Variants in NAALADL2 observed in about 807,000 individuals in gnomAD.
NAALADL2 encodes inactive N-acetylated-alpha-linked acidic dipeptidase-like protein 2.
In NAALADL2, 76 loss-of-function variants were observed where a neutral mutation model predicts 87.2. That is an observed-to-expected ratio of 0.87 (90% confidence interval 0.72 to 1.05). The LOEUF (loss-of-function observed/expected upper bound fraction) is 1.05. Ranked by LOEUF, NAALADL2 falls within the 50% of genes least tolerant of loss-of-function variation. The pLI is 0.00. For missense variants in NAALADL2, 1,089 were observed against 945.8 expected (o/e 1.15, Z -1.99); for synonymous variants, 354 against 331.0 (o/e 1.07, Z -0.75).
intron 5 of NAALADL2, among the ~76,000 whole-genome samples, chr3:175,406,047 T>C (rs142772541): frequency 1.2e-3 from 186 of 152,300 alleles, no homozygotes; most frequent in African/African-American, 3.9e-3. Context: ...CTTACCCTCA[T>C]GGAGTTTATA....
intron 4 of NAALADL2, among the ~76,000 whole-genome samples, chr3:175,278,667 T>C (rs1279173617): frequency 6.6e-6 from 1 of 152,192 alleles, no homozygotes; most frequent in East Asian, 1.9e-4. Flanking sequence ...TTATGTGATA[T>C]GATTTAAATG....
chr3:175,199,014 T>C (rs953701916), intron 2 of NAALADL2, among the ~76,000 whole-genome samples: 1 of 152,100 alleles, frequency 6.6e-6, no homozygotes. Flanking sequence ...AGACTTAAAT[T>C]TTAAGGACAG....
At chr3:174,867,499 C>T (rs963639223) in intron 1 of NAALADL2, among the ~76,000 whole-genome samples, 2 of 151,946 alleles carry the variant, frequency 1.3e-5, no homozygotes, top group Non-Finnish European at 2.9e-5. Context: ...ATAAAATGTT[C>T]TCTTCCTGAG....
chr3:174,685,001 G>A (rs1017001503), intron 2 of NAALADL2, among the ~76,000 whole-genome samples: 1 of 151,946 alleles, frequency 6.6e-6, no homozygotes, highest in African/African-American at 2.4e-5. Flanking sequence ...TAGATATTGG[G>A]AATGACTTGG....
intron 6 of NAALADL2, among the ~76,000 whole-genome samples, chr3:175,456,228 C>A (rs1047252453): frequency 1.3e-5 from 2 of 151,984 alleles, no homozygotes; most frequent in African/African-American, 4.8e-5. Context: ...AAATTGGCAG[C>A]AGTTATTTTT....
chr3:175,258,985 C>T (rs1192787446), intron 4 of NAALADL2, among the ~76,000 whole-genome samples: 8 of 152,262 alleles, frequency 5.3e-5, no homozygotes, highest in Admixed American at 3.3e-4. Flanking sequence ...ACTGAAATTG[C>T]CACTTGTAAT....
At chr3:174,500,789 C>T (rs1305881772) in intron 1 of NAALADL2, among the ~76,000 whole-genome samples, 2 of 151,606 alleles carry the variant, frequency 1.3e-5, no homozygotes, top group Non-Finnish European at 2.9e-5. Flanking sequence ...AAATGTTAAG[C>T]TAGCCTTGCG....
chr3:174,590,332 A>G (rs1578244793), intron 2 of NAALADL2, among the ~76,000 whole-genome samples: 1 of 152,280 alleles, frequency 6.6e-6, no homozygotes, highest in East Asian at 1.9e-4. Flanking sequence ...TTATCCTGGT[A>G]TTTAAAATAA....
At chr3:174,885,776 G>A (rs1730017827) in intron 1 of NAALADL2, among the ~76,000 whole-genome samples, 2 of 147,822 alleles carry the variant, frequency 1.4e-5, no homozygotes, top group South Asian at 4.5e-4. Flanking sequence ...ATATAATATA[G>A]TCTAGCAGTA....
intron 3 of NAALADL2, among the ~76,000 whole-genome samples, chr3:174,799,929 G>C (rs1018886854): frequency 1.3e-5 from 2 of 152,160 alleles, no homozygotes; most frequent in African/African-American, 4.8e-5. Context: ...TCAGCAAAGA[G>C]ACTAGTGGCA....
At chr3:174,922,160 A>C (rs2108360138) in intron 1 of NAALADL2, among the ~76,000 whole-genome samples, 1 of 152,112 alleles carries the variant, frequency 6.6e-6, no homozygotes, top group African/African-American at 2.4e-5. Context: ...AAAATAAAAA[A>C]TTAGTCTGGC....
rs147359994 is a variant in NAALADL2 at position 174,811,827 on chromosome 3, T to A, written c.-9+74081T>A. On this transcript the variant is annotated intron_variant, in intron 3 of 3. Coordinates refer to the NAALADL2 transcript ENST00000434257. ...CATGTTGAATTATAATCTCCAATGT[T>A]GGAGGTGGAGCCTGGTGTGAGATTA... 6.4e-3 allele frequency among the ~76,000 whole-genome samples: 977 copies of A among 152,314 alleles called. 9 individuals carry two copies. The highest frequency in any genetic ancestry group is 0.024 in the Middle Eastern group (7 of 294).
At chr3:175,374,254 T>C (rs957470517) in intron 5 of NAALADL2, among the ~76,000 whole-genome samples, 1 of 151,976 alleles carries the variant, frequency 6.6e-6, no homozygotes, top group Non-Finnish European at 1.5e-5. Flanking sequence ...TTTTTTCTTT[T>C]AAAAGTTTTA....
chr3:174,685,153 A>G (rs887381547), intron 2 of NAALADL2, among the ~76,000 whole-genome samples: 1 of 152,074 alleles, frequency 6.6e-6, no homozygotes, highest in Non-Finnish European at 1.5e-5. Context: ...AAACTTTCCT[A>G]AAGTCAGCTA....
chr3:175,182,199 G>A (rs1736663686), intron 2 of NAALADL2, among the ~76,000 whole-genome samples: 1 of 151,910 alleles, frequency 6.6e-6, no homozygotes, highest in Non-Finnish European at 1.5e-5. Flanking sequence ...TGTCTTCTTT[G>A]GAAAAATGTC....
chr3:175,513,977 A>G (rs1439515765), intron 9 of NAALADL2, among the ~76,000 whole-genome samples: 1 of 152,206 alleles, frequency 6.6e-6, no homozygotes, highest in Non-Finnish European at 1.5e-5. Context: ...CAGTGAATCA[A>G]CCACAGGGCA....
intron 2 of NAALADL2, among the ~76,000 whole-genome samples, chr3:174,625,216 T>C (rs1721450852): frequency 6.6e-6 from 1 of 151,840 alleles, no homozygotes; most frequent in Non-Finnish European, 1.5e-5. Context: ...ACGCCACCAC[T>C]CCCAGCTAAT....
chr3:174,506,106 A>T (rs1215085289), intron 1 of NAALADL2, among the ~76,000 whole-genome samples: 1 of 151,066 alleles, frequency 6.6e-6, no homozygotes, highest in Non-Finnish European at 1.5e-5. Flanking sequence ...CAATAAGTTT[A>T]CTCTGAAGAT....
chr3:175,616,834 A>G (rs1725414905), intron 10 of NAALADL2, among the ~76,000 whole-genome samples: 1 of 152,128 alleles, frequency 6.6e-6, no homozygotes, highest in African/African-American at 2.4e-5. Context: ...CATGGCTTCT[A>G]GCCCTTTCGT....
Sources: allele counts gnomAD v4.1 joint callset (sites outside exome capture counted in the v4.1 genomes callset), GRCh38; gene constraint gnomAD v4.1.1; transcripts MANE v1.5; gene names NCBI Gene and HGNC (gene_info 2026-07-23, HGNC 2026-07-21).